The following VPS13B variants were observed in gnomAD, a reference collection of about 807,000 sequenced individuals.
VPS13B encodes the protein intermembrane lipid transfer protein VPS13B.
In VPS13B, 285 loss-of-function variants were observed where a neutral mutation model predicts 426.4. The observed-to-expected ratio is 0.67, with a 90% CI of 0.61 to 0.74. The LOEUF (loss-of-function observed/expected upper bound fraction) is 0.74, where lower values mean the gene tolerates loss of function less well. VPS13B is among the 30% of genes least tolerant of loss of function. The pLI is 0.00. For missense variants in VPS13B, 4,537 were observed against 4,782.6 expected, an observed-to-expected ratio of 0.95 and a Z score of 1.51; for synonymous variants, 1,676 against 1,676.4, an observed-to-expected ratio of 1.00 and a Z score of 0.01.
intron 17 of VPS13B, among the ~76,000 whole-genome samples, chr8:99,256,962 T>C (rs569911132): frequency 6.6e-6 from 1 of 152,158 alleles, no homozygotes; most frequent in Non-Finnish European, 1.5e-5. Flanking sequence ...CCTGAATTGG[T>C]CTTATTTACT....
chr8:99,451,452 G>A (rs1443473648), intron 23 of VPS13B, among the ~76,000 whole-genome samples: 1 of 152,206 alleles, frequency 6.6e-6, no homozygotes, highest in East Asian at 1.9e-4. Flanking sequence ...CTATTGGGAA[G>A]AGTAGTGCAA....
chr8:99,098,824 A>G (rs2132440006), intron 4 of VPS13B, among the ~76,000 whole-genome samples: 1 of 152,220 alleles, frequency 6.6e-6, no homozygotes, highest in Admixed American at 6.5e-5. Flanking sequence ...TTTTATTGCT[A>G]ATTGGGATTT....
chr8:99,072,404 G>C (rs181640375), intron 3 of VPS13B, among the ~76,000 whole-genome samples: 2 of 152,230 alleles, frequency 1.3e-5, no homozygotes, highest in Admixed American at 1.3e-4. Flanking sequence ...TGGAGGCCTC[G>C]AACTCTTCCT....
intron 17 of VPS13B, chr8:99,209,823 T>C: frequency 2.6e-6 from 2 of 776,746 alleles, no homozygotes; most frequent in Non-Finnish European, 3.1e-6. Flanking sequence ...TGAAATAGTT[T>C]ATTCTAAAAA....
In VPS13B at chr8:99,871,656, AC is replaced by A. The variant is rs1357548181; in HGVS notation, c.11705del (p.Thr3902LysfsTer15). ...AQDSKQNNLL[T>X]VQLKQPRVAC... ...GGACAGCAAGCAGAACAACTTACTC[AC>A]AGTGCAGCTCAAGCAGCCAAGAGTG... is the stretch of plus-strand genomic sequence containing the variant. On this transcript the variant is annotated frameshift_variant, in exon 61 of 62. Coordinates refer to ENST00000357162, the MANE Select transcript of VPS13B (RefSeq NM_152564.5). LOFTEE classifies it high-confidence loss of function. The A allele has an allele frequency of 1.6e-5, 26 of 1,614,060 alleles. No individual in the cohort carries two copies. Among genetic ancestry groups the A allele is most frequent in the Non-Finnish European group, 2.2e-5 (26 of 1,180,026 alleles).
chr8:99,254,338 T>A (rs1031888891), intron 17 of VPS13B, among the ~76,000 whole-genome samples: 11 of 152,122 alleles, frequency 7.2e-5, no homozygotes, highest in Non-Finnish European at 1.5e-4. Flanking sequence ...TACTTTTTTT[T>A]AAAGCAATTG....
Position 99,121,418 on chromosome 8 carries a change from T to C in VPS13B, c.1179T>C (p.Tyr393=). Residue 393 remains tyrosine (Y), a synonymous_variant, in exon 8 of 62, where the codon TAT becomes TAC. Coordinates refer to ENST00000357162, the MANE Select transcript of VPS13B (RefSeq NM_152564.5). ...LKDPIVSIGF[Y]CTKATVTFKL... Reference sequence around the variant, plus strand: ...ATCCTATTGTTTCTATAGGATTTTATTGCACAAAGGCAACGGTGACTTTCA... The same window carrying C: ...ATCCTATTGTTTCTATAGGATTTTACTGCACAAAGGCAACGGTGACTTTCA... The C allele has an allele frequency of 3.7e-6, 6 of 1,614,236 alleles. No individual in the cohort carries two copies. Among genetic ancestry groups the C allele is most frequent in the Non-Finnish European group, 5.1e-6 (6 of 1,180,026 alleles).
chr8:99,495,401 C>T lies in VPS13B; in HGVS notation c.3871-6286C>T, dbSNP rs187734581. Among the ~76,000 whole-genome samples the T allele has an allele frequency of 2.3e-3, 347 of 152,098 alleles. 3 individuals are homozygous for T. The highest frequency in any genetic ancestry group is 8.1e-3 in the African/African-American group (337 of 41,498). ...ATAATTATTTTCTTTTATTTTTTAT[C>T]AGATCTGGTATCTGAACTTCTTTAG... On this transcript the variant is annotated intron_variant, in intron 25 of 61. Transcript: ENST00000357162.
chr8:99,650,558 G>A (rs1829769447), intron 34 of VPS13B, among the ~76,000 whole-genome samples: 1 of 152,144 alleles, frequency 6.6e-6, no homozygotes, highest in Admixed American at 6.6e-5. Flanking sequence ...GGATAGTACT[G>A]ACCCTTATAT....
chr8:99,456,693 A>G (rs1293807985), intron 23 of VPS13B, among the ~76,000 whole-genome samples: 2 of 152,142 alleles, frequency 1.3e-5, no homozygotes, highest in East Asian at 1.9e-4. Flanking sequence ...GGTGCTGGAT[A>G]TGATTTGCTA....
chr8:99,710,031 T>C (rs1414750094), intron 36 of VPS13B, among the ~76,000 whole-genome samples: 1 of 152,234 alleles, frequency 6.6e-6, no homozygotes. Flanking sequence ...TTCATGCTTT[T>C]AAACATCTAA....
chr8:99,683,411 G>A (rs1831238551), intron 35 of VPS13B, among the ~76,000 whole-genome samples: 1 of 151,928 alleles, frequency 6.6e-6, no homozygotes, highest in Non-Finnish European at 1.5e-5. Flanking sequence ...TTGGAATTCT[G>A]TGAAATCTAC....
chr8:99,332,170 C>A (rs1307061473), intron 19 of VPS13B, among the ~76,000 whole-genome samples: 1 of 151,526 alleles, frequency 6.6e-6, no homozygotes, highest in African/African-American at 2.4e-5. Flanking sequence ...ACATCCAAAA[C>A]TATATTAGGT....
chr8:99,182,266 A>G (rs1311325767), intron 16 of VPS13B, among the ~76,000 whole-genome samples: 1 of 152,200 alleles, frequency 6.6e-6, no homozygotes, highest in Non-Finnish European at 1.5e-5. Flanking sequence ...ATTTATATGA[A>G]TTTCTGGAAC....
intron 2 of VPS13B, among the ~76,000 whole-genome samples, chr8:99,016,774 T>C (rs1377775029): frequency 6.6e-6 from 1 of 151,948 alleles, no homozygotes; most frequent in Non-Finnish European, 1.5e-5. Context: ...GTATTTTTAA[T>C]GGAGACAGGG....
At chr8:99,522,650 T>C (rs780171936) in intron 30 of VPS13B, among the ~76,000 whole-genome samples, 55 of 152,284 alleles carry the variant, frequency 3.6e-4, no homozygotes, top group Middle Eastern at 3.4e-3. Flanking sequence ...TCTAAGCATG[T>C]AGGGTAACTT....
intron 49 of VPS13B, among the ~76,000 whole-genome samples, chr8:99,820,446 G>GA (rs1199901916): frequency 1.3e-5 from 2 of 152,130 alleles, no homozygotes; most frequent in East Asian, 3.9e-4. Flanking sequence ...GCCATCATGT[G>GA]TGCTTATCCA....
intron 51 of VPS13B, 78 bp downstream of exon 51, chr8:99,824,056 T>C: frequency 6.5e-7 from 1 of 1,535,214 alleles, no homozygotes; most frequent in Non-Finnish European, 8.9e-7. Flanking sequence ...CTTTAACCTA[T>C]AGCAAATGAA....
chr8:99,778,617 C>T (rs771578407), intron 41 of VPS13B, 65 bp from the exon 42 acceptor site: 1 of 1,410,098 alleles, frequency 7.1e-7, no homozygotes, highest in Non-Finnish European at 1.0e-6. Flanking sequence ...TGTCATTTCA[C>T]TCTTTATTTT....
Sources: gnomAD v4.1 joint callset for allele counts (sites outside exome capture counted in the v4.1 genomes callset) on GRCh38, gnomAD v4.1.1 for gene constraint, MANE v1.5 for transcripts, NCBI Gene and HGNC (gene_info 2026-07-23, HGNC 2026-07-21) for gene names.